PRH1: variants seen among roughly 807,000 people sequenced by gnomAD.
PRH1 encodes salivary acidic proline-rich phosphoprotein 1/2.
In PRH1, 7 loss-of-function variants were observed where a neutral mutation model predicts 7.9. The ratio of observed to expected loss-of-function variants is 0.89; its 90% CI spans 0.50 to 1.67. The LOEUF is 1.67. Among genes scored for constraint, PRH1 ranks in the 40% most tolerant of loss-of-function variants. PRH1 has a pLI of 0.00. For missense variants in PRH1, 109 were observed against 223.6 expected (o/e 0.49, Z 3.27); for synonymous variants, 45 against 80.8 (o/e 0.56, Z 2.38).
chr12:11,020,434 T>A (rs1941560734), intron 1 of PRH1, among the ~76,000 whole-genome samples: 1 of 27,978 alleles, frequency 3.6e-5, no homozygotes. Context: ...ATATATGATG[T>A]GGAGTTAACT....
chr12:11,158,052 A>G (rs143646310), intron 1 of PRH1, among the ~76,000 whole-genome samples: 58 of 152,256 alleles, frequency 3.8e-4, no homozygotes, highest in Admixed American at 2.1e-3. Context: ...AAACCAACAT[A>G]CTTCCCATGA....
chr12:11,036,600 G>A (rs1240877473), intron 1 of PRH1, among the ~76,000 whole-genome samples: 3 of 152,196 alleles, frequency 2.0e-5, no homozygotes, highest in African/African-American at 7.2e-5. Context: ...CATGATCATA[G>A]TGAAAGGAGG....
intron 1 of PRH1, among the ~76,000 whole-genome samples, chr12:11,090,512 A>G (rs1466967382): frequency 3.1e-5 from 3 of 95,348 alleles, no homozygotes; most frequent in Non-Finnish European, 5.1e-5. Flanking sequence ...TTCTAACTGC[A>G]TATGCATAAC....
At chr12:11,054,733 T>C (rs1026427766) in intron 1 of PRH1, among the ~76,000 whole-genome samples, 5 of 151,508 alleles carry the variant, frequency 3.3e-5, no homozygotes, top group African/African-American at 1.2e-4. Flanking sequence ...TCATAAATAA[T>C]GAAATTGGAA....
At chr12:11,123,421 TTTATTCCTG>T (rs1256976838) in intron 1 of PRH1, among the ~76,000 whole-genome samples, 1 of 152,180 alleles carries the variant, frequency 6.6e-6, no homozygotes, top group Non-Finnish European at 1.5e-5. Flanking sequence ...TTTGACTAAA[TTTATTCCTG>T]TCACTTTATC....
At chr12:10,888,777 C>T (rs180874628), upstream of PRH1, among the ~76,000 whole-genome samples, 22 of 152,294 alleles carry the variant, frequency 1.4e-4, no homozygotes, top group South Asian at 2.3e-3. Flanking sequence ...TTTACATGTA[C>T]ATAGCTTATA....
At chr12:10,903,931 CA>C (rs546066515) in intron 2 of PRH1, among the ~76,000 whole-genome samples, 2,949 of 31,166 alleles carry the variant, frequency 0.095, 73 homozygotes, top group African/African-American at 0.22. Context: ...ACAATAGCCT[CA>C]AAAAAAAAAA....
intron 1 of PRH1, chr12:11,132,938 A>T (rs996057775): frequency 1.5e-5 from 3 of 204,808 alleles, no homozygotes; most frequent in Middle Eastern, 1.8e-3. Context: ...TTTTCCTGAG[A>T]TAAGCTGTTA....
At chr12:11,091,876 A>G (rs1467906128) in intron 1 of PRH1, 1 of 1,306,068 alleles carries the variant, frequency 7.7e-7, no homozygotes, top group Non-Finnish European at 1.1e-6. Flanking sequence ...TTAAGTGAAG[A>G]AAAATAAAGT....
intron 1 of PRH1, chr12:11,097,053 C>T: frequency 7.8e-6 from 1 of 127,960 alleles, no homozygotes; most frequent in South Asian, 1.2e-4. Context: ...CCACCTAGGC[C>T]TCCCAAAGTG....
At chr12:11,074,915 T>C (rs1359017469) in intron 1 of PRH1, among the ~76,000 whole-genome samples, 1 of 151,192 alleles carries the variant, frequency 6.6e-6, no homozygotes, top group Non-Finnish European at 1.5e-5. Flanking sequence ...CAAGTGCATG[T>C]ATCTGATGAT....
intron 1 of PRH1, among the ~76,000 whole-genome samples, chr12:11,129,052 A>T (rs1350079603): frequency 6.6e-6 from 1 of 152,140 alleles, no homozygotes; most frequent in African/African-American, 2.4e-5. Context: ...CTTCTCAACT[A>T]TTTGGAACTA....
chr12:11,087,376 G>A (rs1317640635), intron 1 of PRH1, among the ~76,000 whole-genome samples: 1 of 117,494 alleles, frequency 8.5e-6, no homozygotes, highest in African/African-American at 2.8e-5. Flanking sequence ...CTACAGGCAT[G>A]AGCCATGACA....
chr12:11,079,986 C>G (rs1944445950), intron 1 of PRH1, among the ~76,000 whole-genome samples: 1 of 137,546 alleles, frequency 7.3e-6, no homozygotes, highest in Admixed American at 7.4e-5. Context: ...GAAAACATAG[C>G]AATGTGTCAT....
At chr12:11,020,521 C>T (rs1468498869) in intron 1 of PRH1, among the ~76,000 whole-genome samples, 1 of 151,982 alleles carries the variant, frequency 6.6e-6, no homozygotes, top group African/African-American at 2.4e-5. Flanking sequence ...TTTAGCTCTT[C>T]AACAAGGCTG....
chr12:11,122,031 T>C (rs1255598199), intron 1 of PRH1, among the ~76,000 whole-genome samples: 1 of 152,244 alleles, frequency 6.6e-6, no homozygotes. Context: ...ATGTGAAATG[T>C]ACTCGGCTTC....
intron 1 of PRH1, among the ~76,000 whole-genome samples, chr12:11,100,408 T>C (rs1283384600): frequency 1.3e-5 from 2 of 152,200 alleles, no homozygotes; most frequent in African/African-American, 4.8e-5. Context: ...GTGAGGAGTT[T>C]TTTTGGATAG....
intron 2 of PRH1, among the ~76,000 whole-genome samples, chr12:10,906,443 G>C (rs1167317766): frequency 1.3e-5 from 2 of 152,202 alleles, no homozygotes; most frequent in Non-Finnish European, 2.9e-5. Flanking sequence ...CCTCTGGCTG[G>C]CAGAAAATAT....
chr12:10,884,076 C>T (rs540067283), intron 1 of PRH1, 78 bp downstream of exon 1: 3 of 1,560,798 alleles, frequency 1.9e-6, no homozygotes, highest in Non-Finnish European at 2.6e-6. Flanking sequence ...CTCCTCTCTT[C>T]CCTCCACTTT....
Sources: gnomAD v4.1 joint callset for allele counts (sites outside exome capture counted in the v4.1 genomes callset) on GRCh38, gnomAD v4.1.1 for gene constraint, MANE v1.5 for transcripts, NCBI Gene and HGNC (gene_info 2026-07-23, HGNC 2026-07-21) for gene names.